The following SUGCT variants were observed in gnomAD, a reference collection of about 807,000 sequenced individuals.
SUGCT encodes the protein succinyl-CoA:glutarate-CoA transferase.
In SUGCT, 41 loss-of-function variants were observed where a neutral mutation model predicts 55.0. The observed-to-expected ratio is 0.74, with a 90% CI of 0.58 to 0.97. The LOEUF is 0.97. Among genes scored for constraint, SUGCT ranks in the 50% least tolerant of loss-of-function variants. The probability of loss-of-function intolerance (pLI) is 0.00; values close to 1 mark genes in which losing one functional copy is unlikely to be tolerated. For synonymous variants in SUGCT, 187 were observed against 200.4 expected (o/e 0.93, Z 0.56); for missense variants, 568 against 547.8 (o/e 1.04, Z -0.37).
chr7:40,290,354 T>C (rs182760532), intron 8 of SUGCT, among the ~76,000 whole-genome samples: 6 of 152,204 alleles, frequency 3.9e-5, no homozygotes, highest in African/African-American at 9.6e-5. Flanking sequence ...TAATGCCACA[T>C]ATCTACAACC....
chr7:40,568,528 G>A (rs1206199179), intron 12 of SUGCT, among the ~76,000 whole-genome samples: 1 of 152,200 alleles, frequency 6.6e-6, no homozygotes, highest in African/African-American at 2.4e-5. Flanking sequence ...AGCTCCCAGA[G>A]ATTGCCTCTT....
chr7:40,857,743 G>C (rs1794260519), intron 13 of SUGCT, among the ~76,000 whole-genome samples: 1 of 152,078 alleles, frequency 6.6e-6, no homozygotes, highest in Non-Finnish European at 1.5e-5. Context: ...GACACAAAAA[G>C]TCACAAATTA....
At chr7:40,358,328 CG>C (rs1187637040) in intron 9 of SUGCT, among the ~76,000 whole-genome samples, 2 of 152,118 alleles carry the variant, frequency 1.3e-5, no homozygotes, top group Non-Finnish European at 2.9e-5. Context: ...TATTATTTTG[CG>C]TAACTAAGAT....
chr7:40,845,403 G>T (rs1384264938), intron 13 of SUGCT, among the ~76,000 whole-genome samples: 1 of 152,184 alleles, frequency 6.6e-6, no homozygotes, highest in Non-Finnish European at 1.5e-5. Flanking sequence ...AGGTCCAGCG[G>T]AGAGTAAGTG....
chr7:40,151,309 A>T (rs1788559470), intron 1 of SUGCT, among the ~76,000 whole-genome samples: 1 of 152,202 alleles, frequency 6.6e-6, no homozygotes, highest in African/African-American at 2.4e-5. Flanking sequence ...AAAAGTTAAG[A>T]ACTGGAGGTG....
At chr7:40,204,996 G>A (rs1183945645) in intron 6 of SUGCT, among the ~76,000 whole-genome samples, 1 of 151,964 alleles carries the variant, frequency 6.6e-6, no homozygotes, top group Non-Finnish European at 1.5e-5. Context: ...GCTCATGCCT[G>A]TAATCCCAGC....
At chr7:40,997,348 G>A in the SUGCT span, among the ~76,000 whole-genome samples, 18 of 152,172 alleles carry the variant, frequency 1.2e-4, no homozygotes, top group African/African-American at 3.6e-4. Context: ...CCATCTGCCC[G>A]CCCTCAACAT....
the SUGCT span, among the ~76,000 whole-genome samples, chr7:40,916,110 T>C: frequency 2.0e-5 from 3 of 150,754 alleles, no homozygotes; most frequent in Admixed American, 1.3e-4. Context: ...CACACAGATA[T>C]ACATATTAGC....
intron 6 of SUGCT, among the ~76,000 whole-genome samples, chr7:40,224,929 A>G (rs1160085153): frequency 3.9e-5 from 6 of 152,168 alleles, no homozygotes; most frequent in Non-Finnish European, 7.4e-5. Context: ...AAAGCTGTCT[A>G]TAGGGGCATC....
intron 12 of SUGCT, among the ~76,000 whole-genome samples, chr7:40,611,781 A>G (rs2151772220): frequency 6.6e-6 from 1 of 152,250 alleles, no homozygotes; most frequent in East Asian, 1.9e-4. Flanking sequence ...TAAGGCAGGC[A>G]TTTTTATTAT....
intron 7 of SUGCT, among the ~76,000 whole-genome samples, chr7:40,257,234 T>C (rs1790872151): frequency 6.6e-6 from 1 of 152,114 alleles, no homozygotes; most frequent in East Asian, 1.9e-4. Context: ...TTTTTTAATT[T>C]TTTAAGATAG....
chr7:40,777,140 G>A (rs916780864), intron 13 of SUGCT, among the ~76,000 whole-genome samples: 1 of 152,170 alleles, frequency 6.6e-6, no homozygotes, highest in Non-Finnish European at 1.5e-5. Flanking sequence ...TCTCTAGAGA[G>A]CCTCTTATCT....
intron 12 of SUGCT, among the ~76,000 whole-genome samples, chr7:40,636,012 A>T (rs1800005905): frequency 6.6e-6 from 1 of 152,192 alleles, no homozygotes; most frequent in Non-Finnish European, 1.5e-5. Context: ...TATTCAGCTG[A>T]TATATACCTA....
chr7:40,137,111 G>A (rs779055489), intron 1 of SUGCT, among the ~76,000 whole-genome samples: 1 of 151,952 alleles, frequency 6.6e-6, no homozygotes, highest in Non-Finnish European at 1.5e-5. Context: ...AGAGTGGTGG[G>A]GACCAAAATT....
intron 12 of SUGCT, among the ~76,000 whole-genome samples, chr7:40,604,825 G>A (rs571981989): frequency 2.0e-5 from 3 of 152,184 alleles, no homozygotes; most frequent in Non-Finnish European, 4.4e-5. Context: ...GCTCCCAAAC[G>A]GGTTTGCCTG....
At chr7:40,724,544 A>G (rs1160931384) in intron 12 of SUGCT, among the ~76,000 whole-genome samples, 1 of 151,802 alleles carries the variant, frequency 6.6e-6, no homozygotes, top group African/African-American at 2.4e-5. Flanking sequence ...GCCTGGTGAC[A>G]GAGTGAGACT....
At chr7:40,333,519 C>G (rs1796443649) in intron 9 of SUGCT, among the ~76,000 whole-genome samples, 1 of 149,446 alleles carries the variant, frequency 6.7e-6, no homozygotes, top group Admixed American at 6.7e-5. Context: ...GACCTGTAAC[C>G]CCAGTTACTT....
chr7:40,797,547 C>T (rs1790607663), intron 13 of SUGCT, among the ~76,000 whole-genome samples: 1 of 152,170 alleles, frequency 6.6e-6, no homozygotes, highest in South Asian at 2.1e-4. Context: ...CTCTCAGTTC[C>T]ATGTCATATA....
rs1286866735 is a variant in SUGCT, at chr7:40,472,992, GA to G, written c.986+13797del. On this transcript the variant is annotated intron_variant, in intron 11 of 13. Coordinates refer to ENST00000335693, the MANE Select transcript of SUGCT (RefSeq NM_001193313.2). ...GTTTTCTTCCTTACAAATGCATTGA[GA>G]AAGTTGTATATTTTTCTTTCTTTGA... Among the ~76,000 whole-genome samples, 4 of 152,214 alleles carry G rather than the reference GA, an allele frequency of 2.6e-5. No individual in the cohort carries two copies. In the East Asian group the frequency reaches 7.7e-4, roughly 29 times the overall value.
Sources: gnomAD v4.1 joint callset for allele counts (sites outside exome capture counted in the v4.1 genomes callset) on GRCh38, gnomAD v4.1.1 for gene constraint, MANE v1.5 for transcripts, NCBI Gene and HGNC (gene_info 2026-07-23, HGNC 2026-07-21) for gene names.